DIS3L2: variants seen among roughly 807,000 people sequenced by gnomAD.
The protein encoded by DIS3L2 is DIS3-like exonuclease 2.
In DIS3L2, 34 loss-of-function variants were observed where a neutral mutation model predicts 97.5. The ratio of observed to expected loss-of-function variants is 0.35; its 90% CI spans 0.27 to 0.46. The LOEUF (loss-of-function observed/expected upper bound fraction) is 0.46. DIS3L2 is among the 20% of genes least tolerant of loss of function. DIS3L2 has a pLI of 1.00. For missense variants in DIS3L2, 1,038 were observed against 1,146.0 expected (o/e 0.91, Z 1.36); for synonymous variants, 435 against 445.2 (o/e 0.98, Z 0.29).
At chr2:232,042,029 G>A (rs533114930) in intron 5 of DIS3L2, among the ~76,000 whole-genome samples, 1 of 152,158 alleles carries the variant, frequency 6.6e-6, no homozygotes, top group African/African-American at 2.4e-5. Context: ...AGGAAGTAGC[G>A]TTCAGCAAGG....
At chr2:232,070,971 T>C (rs1425182354) in intron 5 of DIS3L2, among the ~76,000 whole-genome samples, 1 of 152,148 alleles carries the variant, frequency 6.6e-6, no homozygotes, top group Non-Finnish European at 1.5e-5. Context: ...GATTCAAACA[T>C]GGGAACAGTG....
intron 13 of DIS3L2, among the ~76,000 whole-genome samples, chr2:232,270,896 C>CTCTCTCTCTCTCTCTCTCTGTCTCG (rs1693984387): frequency 6.9e-6 from 1 of 144,464 alleles, no homozygotes; most frequent in African/African-American, 2.8e-5. Context: ...CTCTCTCTCT[C>CTCTCTCTCTCTCTCTCTCTGTCTCG]TCTCTCTCTC....
chr2:232,059,315 T>C (rs780145860), intron 5 of DIS3L2, among the ~76,000 whole-genome samples: 12 of 152,240 alleles, frequency 7.9e-5, no homozygotes, highest in Non-Finnish European at 1.5e-4. Context: ...ATTTGTATTC[T>C]AGACTTATAT....
chr2:232,198,909 A>G (rs1249734010), intron 9 of DIS3L2: 1 of 152,116 alleles, frequency 6.6e-6, no homozygotes, highest in South Asian at 2.1e-4. Flanking sequence ...TGTATATCCT[A>G]TTCATAATTG....
intron 8 of DIS3L2, among the ~76,000 whole-genome samples, chr2:232,145,288 T>A (rs60617247): frequency 1.3e-5 from 2 of 152,204 alleles, no homozygotes; most frequent in South Asian, 4.1e-4. Flanking sequence ...TTCTGAAGAA[T>A]AGATGTTTGA....
At chr2:232,114,350 G>T (rs1697636887) in intron 6 of DIS3L2, among the ~76,000 whole-genome samples, 1 of 151,984 alleles carries the variant, frequency 6.6e-6, no homozygotes, top group Non-Finnish European at 1.5e-5. Context: ...ATCTGATATA[G>T]GACTTAGGCA....
At chr2:232,253,858 T>A (rs1693482450) in intron 12 of DIS3L2, among the ~76,000 whole-genome samples, 1 of 152,198 alleles carries the variant, frequency 6.6e-6, no homozygotes, top group Non-Finnish European at 1.5e-5. Context: ...GGGCTGCTGT[T>A]TTTCATAACA....
chr2:232,171,355 C>T (rs930712439), intron 9 of DIS3L2, among the ~76,000 whole-genome samples: 2 of 152,122 alleles, frequency 1.3e-5, no homozygotes, highest in Non-Finnish European at 2.9e-5. Flanking sequence ...ACTTTCTGAA[C>T]TAGGTATTTC....
At position 232,213,768 on chromosome 2, in the gene DIS3L2, C is replaced by T. The variant is rs76404872; in HGVS notation, c.1204+3363C>T. Among the ~76,000 whole-genome samples the T allele has an allele frequency of 7.3e-3, 1,057 of 145,648 alleles. 12 individuals carry two copies. The highest frequency in any genetic ancestry group is 0.026 in the African/African-American group (1,021 of 39,702). ...TGAAAAGCAGACAAATATAACATAC[C>T]TAGTCCTTACTTTCCCTTTTGGTAG... On this transcript the variant is annotated intron_variant, in intron 10 of 20. Transcript: ENST00000325385.
intron 1 of DIS3L2, among the ~76,000 whole-genome samples, chr2:232,005,141 A>C (rs1388032763): frequency 7.0e-6 from 1 of 143,432 alleles, no homozygotes; most frequent in Non-Finnish European, 1.5e-5. Context: ...TAGACTCTGA[A>C]TTCTGTTAAA....
At position 232,286,176 on chromosome 2, in the gene DIS3L2, G is replaced by A. The variant is rs73995205; in HGVS notation, c.1660-13864G>A. ...CATCTGTTGACCCAGCAGGGCCTTG[G>A]AAGCTTTTTTTCAGTCGTGAGCTTC... On this transcript the variant is annotated intron_variant, in intron 13 of 20. Coordinates refer to ENST00000325385, the MANE Select transcript of DIS3L2 (RefSeq NM_152383.5). 6.7e-3 allele frequency among the ~76,000 whole-genome samples: 1,020 copies of A among 152,270 alleles called. 17 individuals carry two copies. The highest frequency in any genetic ancestry group is 0.023 in the African/African-American group (964 of 41,548).
At chr2:232,261,626 G>A (rs1693714417) in intron 12 of DIS3L2, among the ~76,000 whole-genome samples, 1 of 152,186 alleles carries the variant, frequency 6.6e-6, no homozygotes, top group Non-Finnish European at 1.5e-5. Context: ...GAACCCATTT[G>A]CAGTACATGC....
chr2:232,009,689 AGCAGCTTGCTGTG>A (rs1694144039), intron 1 of DIS3L2, among the ~76,000 whole-genome samples: 1 of 152,162 alleles, frequency 6.6e-6, no homozygotes, highest in Admixed American at 6.5e-5. Context: ...TCCAGGAATG[AGCAGCTTGCTGTG>A]GCCCTAACAT....
chr2:232,087,793 C>T (rs1696709793), intron 6 of DIS3L2, 72 bp downstream of exon 6: 1 of 1,218,872 alleles, frequency 8.2e-7, no homozygotes, highest in Non-Finnish European at 1.2e-6. Flanking sequence ...CTCTCTGCTG[C>T]AGAGTAAATA....
At chr2:232,224,829 C>T (rs1433683834) in intron 10 of DIS3L2, among the ~76,000 whole-genome samples, 2 of 146,496 alleles carry the variant, frequency 1.4e-5, no homozygotes. Flanking sequence ...CTGAGTGAGA[C>T]TCTGTCTTTA....
At chr2:232,169,978 G>A (rs919635838) in intron 9 of DIS3L2, among the ~76,000 whole-genome samples, 2 of 152,162 alleles carry the variant, frequency 1.3e-5, no homozygotes, top group East Asian at 3.8e-4. Flanking sequence ...AACTCCTAGG[G>A]GCGATATAGC....
chr2:232,167,575 A>G (rs1321780590), intron 9 of DIS3L2, among the ~76,000 whole-genome samples: 2 of 152,232 alleles, frequency 1.3e-5, no homozygotes, highest in East Asian at 3.8e-4. Context: ...ACAAAATCCT[A>G]ATACTCATTT....
intron 11 of DIS3L2, among the ~76,000 whole-genome samples, chr2:232,246,022 A>T (rs1693237713): frequency 6.6e-6 from 1 of 152,254 alleles, no homozygotes; most frequent in Non-Finnish European, 1.5e-5. Context: ...CCTACCATGC[A>T]TCAGGTGTAG....
chr2:232,176,864 T>C (rs1158226298), intron 9 of DIS3L2, among the ~76,000 whole-genome samples: 3 of 150,206 alleles, frequency 2.0e-5, no homozygotes, highest in Non-Finnish European at 4.4e-5. Context: ...TGCAGGTTAG[T>C]TACATATGTA....
Sources: allele counts gnomAD v4.1 joint callset (sites outside exome capture counted in the v4.1 genomes callset), GRCh38; gene constraint gnomAD v4.1.1; transcripts MANE v1.5; gene names NCBI Gene and HGNC (gene_info 2026-07-23, HGNC 2026-07-21).